Variants in ARHGAP26 observed in about 807,000 individuals in gnomAD.
ARHGAP26 encodes the protein Rho GTPase activating protein 26.
In ARHGAP26, 38 loss-of-function variants were observed where a neutral mutation model predicts 104.8. That is an observed-to-expected ratio of 0.36 (90% CI 0.28 to 0.48). ARHGAP26 has a LOEUF of 0.48. ARHGAP26 is among the 20% of genes least tolerant of loss of function. The pLI, the probability that ARHGAP26 is intolerant of heterozygous loss-of-function variation, is 0.99. For synonymous variants in ARHGAP26, 341 were observed against 340.0 expected (o/e 1.00, Z -0.03); for missense variants, 704 against 947.9 (o/e 0.74, Z 3.38).
chr5:143,221,159 T>C lies in ARHGAP26; in HGVS notation c.2192-1199T>C, dbSNP rs564572129. Among the ~76,000 whole-genome samples, 136 of 152,346 alleles carry C rather than the reference T, an allele frequency of 8.9e-4. 1 individual carries two copies. The highest frequency in any genetic ancestry group is 2.1e-3 in the South Asian group (10 of 4,832). ...ATTCCTTCTCTCTTCCTTCCTGCTA[T>C]TGACTACTGTGCAGACTCAGCTGGA... On this transcript the variant is annotated intron_variant, in intron 22 of 22. Transcript: ENST00000645722.
At chr5:143,009,982 A>G (rs1323437217) in intron 11 of ARHGAP26, among the ~76,000 whole-genome samples, 1 of 152,190 alleles carries the variant, frequency 6.6e-6, no homozygotes, top group Admixed American at 6.5e-5. Flanking sequence ...GCTTACCTGA[A>G]AGCATATAAA....
At chr5:142,801,767 A>G (rs1433078640) in intron 1 of ARHGAP26, among the ~76,000 whole-genome samples, 2 of 152,122 alleles carry the variant, frequency 1.3e-5, no homozygotes, top group Non-Finnish European at 2.9e-5. Flanking sequence ...TGCAAGGAAT[A>G]GGGACGAAAG....
intron 11 of ARHGAP26, among the ~76,000 whole-genome samples, chr5:142,977,719 GC>G (rs1354964238): frequency 6.6e-6 from 1 of 152,172 alleles, no homozygotes; most frequent in African/African-American, 2.4e-5. Context: ...GGGAGAGGAA[GC>G]AAAAACATTT....
intron 17 of ARHGAP26, among the ~76,000 whole-genome samples, chr5:143,120,340 T>A (rs1795991239): frequency 6.6e-6 from 1 of 152,180 alleles, no homozygotes; most frequent in South Asian, 2.1e-4. Context: ...TTTGTTAGAC[T>A]TTGAGTGTAA....
intron 20 of ARHGAP26, among the ~76,000 whole-genome samples, chr5:143,205,401 C>T (rs142256382): frequency 3.3e-5 from 5 of 152,184 alleles, no homozygotes; most frequent in Admixed American, 6.5e-5. Flanking sequence ...TATATGAATC[C>T]GCCAGACCGA....
chr5:142,920,276 C>G (rs1458570700), intron 10 of ARHGAP26, among the ~76,000 whole-genome samples: 2 of 152,174 alleles, frequency 1.3e-5, no homozygotes, highest in Non-Finnish European at 2.9e-5. Context: ...TGTGTTCTGT[C>G]ACTTTGAATA....
At chr5:142,925,662 C>T (rs901323558) in intron 10 of ARHGAP26, among the ~76,000 whole-genome samples, 1 of 152,196 alleles carries the variant, frequency 6.6e-6, no homozygotes, top group Admixed American at 6.5e-5. Flanking sequence ...AAGTGGATGG[C>T]AGCTGATGCT....
intron 1 of ARHGAP26, among the ~76,000 whole-genome samples, chr5:142,821,188 G>A (rs766381496): frequency 2.6e-5 from 4 of 152,060 alleles, no homozygotes; most frequent in Non-Finnish European, 5.9e-5. Flanking sequence ...CAAGAGAAGA[G>A]CGGGTGAATT....
At chr5:143,041,741 A>AAAT in intron 13 of ARHGAP26, 75 bp from the exon 14 acceptor site, 1 of 994,588 alleles carries the variant, frequency 1.0e-6, no homozygotes, top group Non-Finnish European at 1.5e-6. Context: ...AAAAAAAAAA[A>AAAT]GTGCATTTGG....
At chr5:143,101,501 G>T (rs1793225206) in intron 17 of ARHGAP26, among the ~76,000 whole-genome samples, 1 of 151,922 alleles carries the variant, frequency 6.6e-6, no homozygotes, top group Non-Finnish European at 1.5e-5. Context: ...GCTCTTTGGG[G>T]GTGACTCCTT....
intron 19 of ARHGAP26, among the ~76,000 whole-genome samples, chr5:143,141,480 T>C (rs1026163195): frequency 6.6e-6 from 1 of 152,212 alleles, no homozygotes; most frequent in Non-Finnish European, 1.5e-5. Flanking sequence ...ATGCAAATGC[T>C]TTTCTAGACT....
At chr5:143,000,373 G>C (rs566620575) in intron 11 of ARHGAP26, among the ~76,000 whole-genome samples, 5 of 152,270 alleles carry the variant, frequency 3.3e-5, no homozygotes, top group Admixed American at 2.6e-4. Context: ...GAACCACCTA[G>C]GTGTCCATCA....
intron 20 of ARHGAP26, among the ~76,000 whole-genome samples, chr5:143,156,847 A>G (rs773882508): frequency 1.1e-4 from 17 of 152,246 alleles, no homozygotes; most frequent in Non-Finnish European, 2.2e-4. Flanking sequence ...CTATTAGCTC[A>G]CCAGGGCTGC....
At chr5:142,972,130 C>T (rs376160163) in intron 11 of ARHGAP26, among the ~76,000 whole-genome samples, 18 of 151,658 alleles carry the variant, frequency 1.2e-4, no homozygotes, top group Admixed American at 2.0e-4. Context: ...TGCAGTGAGC[C>T]GAAATTGTGC....
chr5:142,794,621 C>G (rs1296451964), intron 1 of ARHGAP26, among the ~76,000 whole-genome samples: 1 of 152,108 alleles, frequency 6.6e-6, no homozygotes, highest in Non-Finnish European at 1.5e-5. Flanking sequence ...ATTGGGCAGA[C>G]TGTGAGCAGC....
chr5:142,847,075 G>T (rs1214501320), intron 1 of ARHGAP26, among the ~76,000 whole-genome samples: 1 of 152,114 alleles, frequency 6.6e-6, no homozygotes, highest in East Asian at 1.9e-4. Context: ...CTTGCTCTCG[G>T]TGCACCTTGG....
chr5:142,987,730 C>T (rs245725), intron 11 of ARHGAP26, among the ~76,000 whole-genome samples: 39,041 of 151,764 alleles, frequency 0.26, 5,351 homozygotes, highest in East Asian at 0.47. Context: ...TGTCAAAGGC[C>T]TTTTCTGTAT....
At chr5:142,995,105 G>T (rs572400280) in intron 11 of ARHGAP26, among the ~76,000 whole-genome samples, 4 of 152,274 alleles carry the variant, frequency 2.6e-5, no homozygotes, top group African/African-American at 9.6e-5. Context: ...ATAGGCATGG[G>T]CAAAGACTTC....
At chr5:143,146,038 A>AG (rs1357237787) in intron 19 of ARHGAP26, among the ~76,000 whole-genome samples, 4 of 152,234 alleles carry the variant, frequency 2.6e-5, no homozygotes, top group Non-Finnish European at 4.4e-5. Flanking sequence ...CTGTACTCTG[A>AG]GGGATATATT....
Sources: gnomAD v4.1 joint callset for allele counts (sites outside exome capture counted in the v4.1 genomes callset) on GRCh38, gnomAD v4.1.1 for gene constraint, MANE v1.5 for transcripts, NCBI Gene and HGNC (gene_info 2026-07-23, HGNC 2026-07-21) for gene names.